PTPRG: variants seen among roughly 807,000 people sequenced by gnomAD.
The protein encoded by PTPRG is protein tyrosine phosphatase receptor type G.
PTPRG carries 102 observed loss-of-function variants against 165.3 expected under a neutral mutation model. The ratio of observed to expected loss-of-function variants is 0.62; its 90% CI spans 0.53 to 0.73. The LOEUF (loss-of-function observed/expected upper bound fraction) is 0.73, where lower values mean the gene tolerates loss of function less well. PTPRG is among the 30% of genes least tolerant of loss of function. The pLI is 0.00. For synonymous variants in PTPRG, 675 were observed against 669.5 expected, an observed-to-expected ratio of 1.01 and a Z score of -0.13; for missense variants, 1,866 against 1,861.4, an observed-to-expected ratio of 1.00 and a Z score of -0.05.
In PTPRG at chr3:62,203,630, C is replaced by T. The variant is rs749104748; in HGVS notation, c.1835C>T (p.Thr612Ile). The change falls in exon 12 of 30, where the codon ACC (threonine) becomes ATC (isoleucine). Residue 612 changes from threonine (T) to isoleucine (I), a missense_variant. Coordinates refer to ENST00000474889, the MANE Select transcript of PTPRG (RefSeq NM_002841.4). The surrounding 1 kb of genome is among the most constrained non-coding windows in gnomAD (Gnocchi z 6.4). ...DSEKKEKSGVTHAAEERNQTE... is the reference protein window; with the variant it reads ...DSEKKEKSGVIHAAEERNQTE... ...GAAAAGAAGGAGAAGAGTGGGGTGA[C>T]CCACGCTGCCGAGGAGCGGAATCAG... The T allele has an allele frequency of 1.1e-4, 177 of 1,555,416 alleles. No homozygotes were observed. Among genetic ancestry groups the T allele is most frequent in the Non-Finnish European group, 1.4e-4 (164 of 1,148,986 alleles).
intron 2 of PTPRG, among the ~76,000 whole-genome samples, chr3:61,971,538 C>T (rs746749387): frequency 1.3e-5 from 2 of 152,194 alleles, no homozygotes; most frequent in Middle Eastern, 3.2e-3. Context: ...TGAACTAAAA[C>T]TCATTATCTT....
At chr3:61,763,646 C>T (rs2033928978) in intron 2 of PTPRG, among the ~76,000 whole-genome samples, 3 of 151,962 alleles carry the variant, frequency 2.0e-5, no homozygotes, top group Admixed American at 6.6e-5. Flanking sequence ...GTTGGGATTA[C>T]AGGCTTGAGC....
intron 15 of PTPRG, 47 bp downstream of exon 15, chr3:62,243,945 C>T (rs752720754): frequency 8.6e-7 from 1 of 1,164,824 alleles, no homozygotes; most frequent in Non-Finnish European, 1.3e-6. Context: ...TTGTTTTTCT[C>T]TTTTATTCTC....
intron 20 of PTPRG, 29 bp downstream of exon 20, chr3:62,269,198 G>A: frequency 1.9e-6 from 3 of 1,539,348 alleles, no homozygotes; most frequent in Non-Finnish European, 2.7e-6. Flanking sequence ...AGGCTGCCAG[G>A]GCATCCCCTT....
At chr3:61,860,298 G>A (rs1263385144) in intron 2 of PTPRG, among the ~76,000 whole-genome samples, 1 of 151,962 alleles carries the variant, frequency 6.6e-6, no homozygotes, top group South Asian at 2.1e-4. Context: ...AATTGATTTT[G>A]TCCTTTCACC....
chr3:61,833,772 C>A (rs2036378870), intron 2 of PTPRG, among the ~76,000 whole-genome samples: 1 of 152,074 alleles, frequency 6.6e-6, no homozygotes, highest in Non-Finnish European at 1.5e-5. Context: ...AGCATGTTGG[C>A]CAGGCTGGTT....
At chr3:61,849,915 G>A (rs1447794990) in intron 2 of PTPRG, among the ~76,000 whole-genome samples, 1 of 152,088 alleles carries the variant, frequency 6.6e-6, no homozygotes, top group Admixed American at 6.5e-5. Context: ...AAATTTTTAA[G>A]GCTACTTTAT....
intron 2 of PTPRG, among the ~76,000 whole-genome samples, chr3:61,953,705 G>A (rs190394522): frequency 2.0e-5 from 3 of 152,276 alleles, no homozygotes; most frequent in African/African-American, 7.2e-5. Flanking sequence ...GTAGAAGGGT[G>A]ATGGAGATGC....
At chr3:62,066,060 A>C (rs914183319) in intron 4 of PTPRG, among the ~76,000 whole-genome samples, 1 of 152,308 alleles carries the variant, frequency 6.6e-6, no homozygotes, top group African/African-American at 2.4e-5. Flanking sequence ...AAAAGAGCAT[A>C]ACTTGTCTTT....
rs143014242 is a variant in PTPRG, at chr3:62,055,397, C to A, written c.520-22766C>A. ...GAGAGAACAGCTACTGTTTGTTGAG[C>A]TTGTAACACGGACTAGTCACTCTGC... On this transcript the variant is annotated intron_variant, in intron 4 of 29. Coordinates refer to ENST00000474889, the MANE Select transcript of PTPRG (RefSeq NM_002841.4). 8.1e-4 allele frequency among the ~76,000 whole-genome samples: 123 copies of A among 152,318 alleles called. No homozygotes were observed. In the East Asian group the frequency reaches 0.018, roughly 22 times the overall value.
rs769694357 is a variant in PTPRG, at chr3:62,271,373, T to C, written c.3010-10T>C. Reference sequence around the variant, plus strand: ...CCGCTTAAAGACATCTTTTTTCACTTTTCTCACAGGGTCAGAAGGGAAATC... The same window carrying C: ...CCGCTTAAAGACATCTTTTTTCACTCTTCTCACAGGGTCAGAAGGGAAATC... On this transcript the variant is annotated splice_polypyrimidine_tract_variant and intron_variant, in intron 20 of 29. Transcript: ENST00000474889. This position sits in a 1 kb window ranked among gnomAD's most constrained non-coding sequence, Gnocchi z 4.1. 6.3e-7 allele frequency: 1 copy of C among 1,583,300 alleles called. No homozygotes were observed. Among genetic ancestry groups the C allele is most frequent in the South Asian group, 1.2e-5 (1 of 85,772 alleles).
intron 4 of PTPRG, among the ~76,000 whole-genome samples, chr3:62,017,103 G>C (rs1297366848): frequency 6.6e-6 from 1 of 152,172 alleles, no homozygotes; most frequent in Non-Finnish European, 1.5e-5. Flanking sequence ...TCTGTCTACT[G>C]TTGAATCTTG....
rs887849998 is a variant in PTPRG at position 62,294,159 on chromosome 3, T to C, written c.*852T>C. 1 of 152,100 alleles carries C rather than the reference T, an allele frequency of 6.6e-6. No homozygotes were observed. Among genetic ancestry groups the C allele is most frequent in the African/African-American group, 2.4e-5 (1 of 41,442 alleles). 9.4% of individuals were successfully genotyped at this position (152,100 alleles called of 1,614,324 possible). On this transcript the variant is annotated 3_prime_UTR_variant, in exon 30 of 30. Coordinates refer to ENST00000474889, the MANE Select transcript of PTPRG (RefSeq NM_002841.4). ...ATGAGACCCTTTAGTTATTCTCCATTAATGCTTCTTAGTTTGTAATACCAT... is the reference window on the plus strand; with the variant it reads ...ATGAGACCCTTTAGTTATTCTCCATCAATGCTTCTTAGTTTGTAATACCAT...
At chr3:61,789,605 T>G (rs1357705613) in intron 2 of PTPRG, among the ~76,000 whole-genome samples, 1 of 152,254 alleles carries the variant, frequency 6.6e-6, no homozygotes, top group African/African-American at 2.4e-5. Context: ...TTTTCAGTAC[T>G]TTGCATTCAG....
intron 2 of PTPRG, among the ~76,000 whole-genome samples, chr3:61,980,945 A>G (rs1172835690): frequency 6.6e-6 from 1 of 152,180 alleles, no homozygotes; most frequent in East Asian, 1.9e-4. Flanking sequence ...TTGCCTTGTG[A>G]ATAGTACCAA....
chr3:62,036,096 G>A (rs1180411862), intron 4 of PTPRG, among the ~76,000 whole-genome samples: 2 of 151,972 alleles, frequency 1.3e-5, no homozygotes, highest in Non-Finnish European at 2.9e-5. Context: ...CTAGCAAGGG[G>A]TAGACAGATA....
intron 7 of PTPRG, among the ~76,000 whole-genome samples, chr3:62,162,601 G>A (rs1031548154): frequency 3.9e-5 from 6 of 152,124 alleles, no homozygotes; most frequent in Admixed American, 6.5e-5. Flanking sequence ...TTTCTGCGTT[G>A]GGCTATTGGC....
chr3:62,084,129 C>A (rs1041128399), intron 5 of PTPRG, among the ~76,000 whole-genome samples: 9 of 152,130 alleles, frequency 5.9e-5, no homozygotes, highest in Admixed American at 1.3e-4. Flanking sequence ...TGGCTGTGGT[C>A]AGTTCTGAAT....
chr3:61,776,389 T>G (rs146112223), intron 2 of PTPRG, among the ~76,000 whole-genome samples: 323 of 152,272 alleles, frequency 2.1e-3, no homozygotes, highest in African/African-American at 7.3e-3. Flanking sequence ...TCGCATAGAT[T>G]AAAATCAACA....
Sources: allele counts gnomAD v4.1 joint callset (sites outside exome capture counted in the v4.1 genomes callset), GRCh38; gene constraint gnomAD v4.1.1; non-coding constraint Gnocchi (gnomAD v3.1); transcripts MANE v1.5; gene names NCBI Gene and HGNC (gene_info 2026-07-23, HGNC 2026-07-21).